Variants in ST6GALNAC5 observed in about 807,000 individuals in gnomAD.
ST6GALNAC5 encodes alpha-N-acetylgalactosaminide alpha-2,6-sialyltransferase 5.
A neutral mutation model predicts 33.6 loss-of-function variants in ST6GALNAC5; 27 were observed. That is an observed-to-expected ratio of 0.80 (90% CI 0.59 to 1.11). ST6GALNAC5 has a LOEUF of 1.11. Ranked by LOEUF, ST6GALNAC5 falls within the 50% of genes least tolerant of loss-of-function variation. The probability of loss-of-function intolerance (pLI) is 0.00; values close to 1 mark genes in which losing one functional copy is unlikely to be tolerated. For synonymous variants in ST6GALNAC5, 194 were observed against 171.2 expected (o/e 1.13, Z -1.04); for missense variants, 428 against 454.0 (o/e 0.94, Z 0.52).
intron 2 of ST6GALNAC5, among the ~76,000 whole-genome samples, chr1:76,968,879 C>G (rs1264742735): frequency 2.0e-5 from 3 of 152,166 alleles, no homozygotes. Flanking sequence ...GTTGAAAATT[C>G]TTTTCTTTAA....
intron 2 of ST6GALNAC5, among the ~76,000 whole-genome samples, chr1:76,987,511 C>T (rs1221635141): frequency 2.0e-5 from 3 of 152,092 alleles, no homozygotes; most frequent in Non-Finnish European, 4.4e-5. Flanking sequence ...ATGTTGCAAC[C>T]TCTTTGAAAA....
chr1:76,935,819 T>C (rs1284302573), intron 2 of ST6GALNAC5, among the ~76,000 whole-genome samples: 1 of 152,074 alleles, frequency 6.6e-6, no homozygotes, highest in Non-Finnish European at 1.5e-5. Flanking sequence ...AATTATTAAA[T>C]GCCTGCAAAG....
chr1:77,062,829 GTGT>G (rs1250089098), intron 4 of ST6GALNAC5, 143 bp from the exon 5 acceptor site: 4 of 616,214 alleles, frequency 6.5e-6, no homozygotes, highest in African/African-American at 1.9e-5. Context: ...CTTCCTTATT[GTGT>G]AATCAGAAAA....
At chr1:77,021,456 T>G (rs979609609) in intron 2 of ST6GALNAC5, among the ~76,000 whole-genome samples, 2 of 152,168 alleles carry the variant, frequency 1.3e-5, no homozygotes, top group Non-Finnish European at 2.9e-5. Context: ...ATGACTTCAT[T>G]ATATTTTGTT....
intron 2 of ST6GALNAC5, among the ~76,000 whole-genome samples, chr1:76,997,741 G>C (rs947337015): frequency 6.6e-6 from 1 of 152,190 alleles, no homozygotes; most frequent in Admixed American, 6.5e-5. Flanking sequence ...GCTCACACCT[G>C]TAATCTCAAT....
At chr1:76,923,846 G>A (rs145255218) in intron 2 of ST6GALNAC5, among the ~76,000 whole-genome samples, 10 of 152,158 alleles carry the variant, frequency 6.6e-5, no homozygotes, top group South Asian at 2.1e-4. Context: ...ATCACATCTC[G>A]TACATACTAT....
intron 2 of ST6GALNAC5, among the ~76,000 whole-genome samples, chr1:76,961,249 G>C (rs2177192): frequency 0.11 from 16,493 of 152,146 alleles, 2,184 homozygotes; most frequent in African/African-American, 0.32. Context: ...TGCCCATAAA[G>C]CACTTTTGGA....
chr1:77,057,375 C>T (rs1652436652), intron 4 of ST6GALNAC5, among the ~76,000 whole-genome samples: 1 of 152,210 alleles, frequency 6.6e-6, no homozygotes, highest in East Asian at 1.9e-4. Context: ...AAAGCATACA[C>T]ATTTATTTAA....
At chr1:76,906,735 CA>C (rs922912079) in intron 2 of ST6GALNAC5, among the ~76,000 whole-genome samples, 3 of 152,112 alleles carry the variant, frequency 2.0e-5, no homozygotes, top group African/African-American at 4.8e-5. Context: ...TAAATTAATG[CA>C]AGATATTTGT....
intron 2 of ST6GALNAC5, among the ~76,000 whole-genome samples, chr1:76,902,041 G>A (rs1646822535): frequency 6.6e-6 from 1 of 151,852 alleles, no homozygotes; most frequent in Non-Finnish European, 1.5e-5. Context: ...ATGATACATT[G>A]AGATCATCTG....
chr1:77,052,959 A>C (rs1358398276), intron 4 of ST6GALNAC5, among the ~76,000 whole-genome samples: 1 of 151,584 alleles, frequency 6.6e-6, no homozygotes, highest in Non-Finnish European at 1.5e-5. Flanking sequence ...GGGGGGCTTC[A>C]AAGACACAGC....
chr1:77,038,764 A>G (rs1328930155), intron 2 of ST6GALNAC5, among the ~76,000 whole-genome samples: 1 of 152,182 alleles, frequency 6.6e-6, no homozygotes, highest in Non-Finnish European at 1.5e-5. Flanking sequence ...ACGCTTCCCA[A>G]GAAGGGATTG....
intron 3 of ST6GALNAC5, among the ~76,000 whole-genome samples, chr1:77,049,534 T>G (rs1652147771): frequency 6.6e-6 from 1 of 151,952 alleles, no homozygotes; most frequent in Non-Finnish European, 1.5e-5. Context: ...ATTACAGATG[T>G]CTGAATGGGA....
intron 4 of ST6GALNAC5, among the ~76,000 whole-genome samples, chr1:77,058,620 T>G (rs1256090412): frequency 6.6e-6 from 1 of 152,234 alleles, no homozygotes; most frequent in East Asian, 1.9e-4. Flanking sequence ...ATCAGAATCA[T>G]GGGCCAAATA....
intron 2 of ST6GALNAC5, among the ~76,000 whole-genome samples, chr1:77,018,118 CAAG>C (rs1245725444): frequency 2.0e-5 from 3 of 151,928 alleles, no homozygotes; most frequent in Non-Finnish European, 2.9e-5. Context: ...CAACTTCAGG[CAAG>C]AAGAAGAAGA....
intron 2 of ST6GALNAC5, among the ~76,000 whole-genome samples, chr1:76,979,473 A>G (rs982334579): frequency 5.3e-5 from 8 of 152,242 alleles, no homozygotes; most frequent in Non-Finnish European, 8.8e-5. Flanking sequence ...AAATAAATCT[A>G]TGCATTTACA....
chr1:76,894,478 G>C (rs751581516), intron 2 of ST6GALNAC5, among the ~76,000 whole-genome samples: 5 of 152,070 alleles, frequency 3.3e-5, no homozygotes, highest in African/African-American at 7.2e-5. Flanking sequence ...GAAGAGGCAG[G>C]GGGGGGATCT....
intron 2 of ST6GALNAC5, among the ~76,000 whole-genome samples, chr1:76,946,630 C>T (rs1395696585): frequency 6.6e-6 from 1 of 152,064 alleles, no homozygotes; most frequent in East Asian, 1.9e-4. Context: ...GCCTTATGAG[C>T]TTTTTCACAA....
chr1:76,966,583 C>A (rs911390404), intron 2 of ST6GALNAC5, among the ~76,000 whole-genome samples: 2 of 152,106 alleles, frequency 1.3e-5, no homozygotes, highest in African/African-American at 2.4e-5. Context: ...AATTGAATAC[C>A]TTTATTTCTT....
Sources: allele counts gnomAD v4.1 joint callset (sites outside exome capture counted in the v4.1 genomes callset), GRCh38; gene constraint gnomAD v4.1.1; transcripts MANE v1.5; gene names NCBI Gene and HGNC (gene_info 2026-07-23, HGNC 2026-07-21).